TENM4: variants seen among roughly 807,000 people sequenced by gnomAD.
TENM4 encodes the protein teneurin-4.
In TENM4, 82 loss-of-function variants were observed where a neutral mutation model predicts 243.3. That is an observed-to-expected ratio of 0.34 (90% confidence interval 0.28 to 0.40). The LOEUF (loss-of-function observed/expected upper bound fraction) is 0.40. TENM4 is among the 10% of genes least tolerant of loss of function. The pLI is 1.00. For synonymous variants in TENM4, 1,412 were observed against 1,456.3 expected, an observed-to-expected ratio of 0.97 and a Z score of 0.69; for missense variants, 3,138 against 3,673.3, an observed-to-expected ratio of 0.85 and a Z score of 3.77.
intron 2 of TENM4, among the ~76,000 whole-genome samples, chr11:79,255,663 T>A (rs1049035847): frequency 6.6e-6 from 1 of 152,220 alleles, no homozygotes; most frequent in Non-Finnish European, 1.5e-5. Context: ...TTTTCAATTA[T>A]CCCAGCTACA....
intron 17 of TENM4, among the ~76,000 whole-genome samples, chr11:78,771,791 T>G (rs1591011866): frequency 6.6e-6 from 1 of 152,348 alleles, no homozygotes; most frequent in South Asian, 2.1e-4. Flanking sequence ...CCAGAGGAGC[T>G]GTGATCGCCA....
intron 3 of TENM4, among the ~76,000 whole-genome samples, chr11:79,174,720 T>C (rs980737712): frequency 7.9e-5 from 12 of 152,330 alleles, no homozygotes; most frequent in African/African-American, 2.4e-4. Flanking sequence ...TGTGTTGCTA[T>C]GTAGGAAGGC....
intron 1 of TENM4, among the ~76,000 whole-genome samples, chr11:79,348,151 C>T (rs1050894897): frequency 2.0e-5 from 3 of 152,114 alleles, no homozygotes; most frequent in African/African-American, 7.2e-5. Flanking sequence ...TTTTTTGAGC[C>T]TTTTGTGCCC....
At chr11:79,262,215 C>T (rs1425767590) in intron 2 of TENM4, among the ~76,000 whole-genome samples, 1 of 152,108 alleles carries the variant, frequency 6.6e-6, no homozygotes, top group African/African-American at 2.4e-5. Flanking sequence ...AAAATGGGGT[C>T]AATAATGACG....
intron 6 of TENM4, among the ~76,000 whole-genome samples, chr11:78,996,050 G>A (rs1858165727): frequency 6.6e-6 from 1 of 152,174 alleles, no homozygotes; most frequent in African/African-American, 2.4e-5. Context: ...AAGCCGCAAG[G>A]AGGACTGTTT....
At chr11:78,724,770 T>C (rs751150376) in intron 23 of TENM4, among the ~76,000 whole-genome samples, 4 of 152,238 alleles carry the variant, frequency 2.6e-5, no homozygotes, top group Non-Finnish European at 4.4e-5. Context: ...GGCATGTAAG[T>C]AAAAGTGATA....
chr11:79,324,216 T>C (rs1856937691), intron 1 of TENM4, among the ~76,000 whole-genome samples: 1 of 152,120 alleles, frequency 6.6e-6, no homozygotes, highest in African/African-American at 2.4e-5. Context: ...TTCCTTTATT[T>C]AAAATTTATT....
chr11:78,833,990 T>G (rs2136153862), intron 12 of TENM4, among the ~76,000 whole-genome samples: 1 of 152,344 alleles, frequency 6.6e-6, no homozygotes, highest in East Asian at 1.9e-4. Flanking sequence ...AAAAGTTAAC[T>G]AGGTTGGCCA....
At chr11:78,955,090 T>G (rs1426179654) in intron 6 of TENM4, among the ~76,000 whole-genome samples, 1 of 152,214 alleles carries the variant, frequency 6.6e-6, no homozygotes, top group African/African-American at 2.4e-5. Context: ...ATGATGGCAG[T>G]GAGCCTCACA....
intron 4 of TENM4, among the ~76,000 whole-genome samples, chr11:79,127,812 C>A (rs183355673): frequency 5.4e-4 from 82 of 152,302 alleles, no homozygotes; most frequent in Admixed American, 1.4e-3. Context: ...AATTCAGTGA[C>A]CTTCTACATC....
At chr11:79,397,024 A>T (rs1346631102) in intron 1 of TENM4, among the ~76,000 whole-genome samples, 1 of 152,202 alleles carries the variant, frequency 6.6e-6, no homozygotes, top group Non-Finnish European at 1.5e-5. Context: ...CCAGTCAAGG[A>T]CGCAGGTGCA....
intron 4 of TENM4, among the ~76,000 whole-genome samples, chr11:79,091,565 C>T (rs1860950428): frequency 6.6e-6 from 1 of 152,170 alleles, no homozygotes; most frequent in South Asian, 2.1e-4. Context: ...TAAAGTCTTG[C>T]TACTCAAGGG....
chr11:78,989,687 G>T (rs893602005), intron 6 of TENM4, among the ~76,000 whole-genome samples: 4 of 152,122 alleles, frequency 2.6e-5, no homozygotes, highest in African/African-American at 9.7e-5. Flanking sequence ...AGGTAGAGCC[G>T]TCCCTGGATG....
chr11:79,295,552 G>A (rs1856435533), intron 2 of TENM4, among the ~76,000 whole-genome samples: 1 of 152,190 alleles, frequency 6.6e-6, no homozygotes, highest in Non-Finnish European at 1.5e-5. Context: ...CAGGTTCCAG[G>A]AGCACCTGCA....
chr11:79,129,586 G>C (rs935626978), intron 4 of TENM4, among the ~76,000 whole-genome samples: 3 of 152,112 alleles, frequency 2.0e-5, no homozygotes, highest in African/African-American at 7.2e-5. Flanking sequence ...TTGCATGGGA[G>C]CTGGGTGAGG....
At chr11:79,075,846 C>T (rs891391770) in intron 4 of TENM4, among the ~76,000 whole-genome samples, 1 of 152,198 alleles carries the variant, frequency 6.6e-6, no homozygotes, top group African/African-American at 2.4e-5. Context: ...ACAAAGGTGC[C>T]TTAGAGAAGA....
At chr11:79,333,249 T>TCCAA (rs1210958162) in intron 1 of TENM4, among the ~76,000 whole-genome samples, 23 of 151,714 alleles carry the variant, frequency 1.5e-4, no homozygotes, top group Non-Finnish European at 2.9e-4. Flanking sequence ...CATCCATCTA[T>TCCAA]CCATCCATCC....
intron 1 of TENM4, among the ~76,000 whole-genome samples, chr11:79,315,378 C>A (rs1025885569): frequency 1.3e-5 from 2 of 152,230 alleles, no homozygotes; most frequent in Non-Finnish European, 2.9e-5. Flanking sequence ...AAAGGGCATT[C>A]TGCAACATCA....
chr11:78,926,750 A>G (rs1348494448), intron 6 of TENM4, among the ~76,000 whole-genome samples: 3 of 151,940 alleles, frequency 2.0e-5, no homozygotes, highest in African/African-American at 7.3e-5. Flanking sequence ...ACACTTTGAA[A>G]AAGGACACAG....
Sources: allele counts gnomAD v4.1 joint callset (sites outside exome capture counted in the v4.1 genomes callset), GRCh38; gene constraint gnomAD v4.1.1; transcripts MANE v1.5; gene names NCBI Gene and HGNC (gene_info 2026-07-23, HGNC 2026-07-21).